The following FAR2 variants were observed in gnomAD, a reference collection of about 807,000 sequenced individuals.
FAR2 encodes fatty acyl-CoA reductase 2.
Under a neutral mutation model 56.0 loss-of-function variants are expected in FAR2, and 19 were observed. That is an observed-to-expected ratio of 0.34 (90% CI 0.24 to 0.50). The LOEUF (loss-of-function observed/expected upper bound fraction) is 0.50, where lower values mean the gene tolerates loss of function less well. FAR2 is among the 20% of genes least tolerant of loss of function. The pLI is 0.98. For synonymous variants in FAR2, 219 were observed against 218.8 expected, an observed-to-expected ratio of 1.00 and a Z score of -0.01; for missense variants, 508 against 642.2, an observed-to-expected ratio of 0.79 and a Z score of 2.26.
chr12:29,218,200 A>C (rs1223884920), intron 1 of FAR2, among the ~76,000 whole-genome samples: 5 of 151,806 alleles, frequency 3.3e-5, no homozygotes, highest in African/African-American at 1.2e-4. Context: ...ACTAAAAAAT[A>C]CAAAAAAAAT....
At chr12:29,168,681 G>T (rs1949855099) in intron 1 of FAR2, among the ~76,000 whole-genome samples, 1 of 152,134 alleles carries the variant, frequency 6.6e-6, no homozygotes, top group South Asian at 2.1e-4. Flanking sequence ...GTGGGTTTGT[G>T]GTCTCGCTGA....
intron 1 of FAR2, among the ~76,000 whole-genome samples, chr12:29,268,256 C>G (rs148498301): frequency 6.6e-6 from 1 of 152,228 alleles, no homozygotes; most frequent in Non-Finnish European, 1.5e-5. Context: ...CCATCCAAAC[C>G]CTGTCCACAT....
intron 10 of FAR2, 63 bp from the exon 11 acceptor site, chr12:29,332,537 A>G (rs1949744873): frequency 1.2e-6 from 2 of 1,602,240 alleles, no homozygotes; most frequent in Non-Finnish European, 1.7e-6. Flanking sequence ...AGAAACCTCA[A>G]GTGGACAAAG....
At chr12:29,261,715 G>A (rs116858933) in intron 1 of FAR2, among the ~76,000 whole-genome samples, 157 of 152,336 alleles carry the variant, frequency 1.0e-3, no homozygotes, top group Non-Finnish European at 2.1e-3. Context: ...AATACATCTG[G>A]TAGCAGGCTT....
intron 4 of FAR2, among the ~76,000 whole-genome samples, chr12:29,306,407 G>A (rs1028749505): frequency 1.3e-5 from 2 of 152,162 alleles, no homozygotes; most frequent in African/African-American, 4.8e-5. Flanking sequence ...ATTGAAAGTT[G>A]TGATTCTGAA....
intron 1 of FAR2, among the ~76,000 whole-genome samples, chr12:29,185,161 A>T (rs1950029370): frequency 6.6e-6 from 1 of 152,232 alleles, no homozygotes; most frequent in African/African-American, 2.4e-5. Context: ...TGGATAATTC[A>T]TAGATAATTT....
chr12:29,287,695 G>T (rs1305077109), intron 2 of FAR2, among the ~76,000 whole-genome samples: 1 of 152,122 alleles, frequency 6.6e-6, no homozygotes, highest in Non-Finnish European at 1.5e-5. Context: ...AAGACTTTTT[G>T]AAGAGAAAGA....
intron 1 of FAR2, among the ~76,000 whole-genome samples, chr12:29,161,060 G>T (rs1320596215): frequency 6.6e-6 from 1 of 152,104 alleles, no homozygotes; most frequent in Non-Finnish European, 1.5e-5. Context: ...TTTTGGTATG[G>T]ATTAATAGTG....
At chr12:29,233,075 C>T (rs1395860011) in intron 1 of FAR2, among the ~76,000 whole-genome samples, 2 of 152,064 alleles carry the variant, frequency 1.3e-5, no homozygotes, top group African/African-American at 4.8e-5. Context: ...TCTATCAGTC[C>T]CCTCTTGGCT....
At chr12:29,154,583 C>A (rs1429702328) in intron 1 of FAR2, among the ~76,000 whole-genome samples, 1 of 151,952 alleles carries the variant, frequency 6.6e-6, no homozygotes, top group African/African-American at 2.4e-5. Context: ...TATAGGCGCC[C>A]ACCACCACGC....
chr12:29,154,649 G>A (rs1261803982), intron 1 of FAR2, among the ~76,000 whole-genome samples: 2 of 152,098 alleles, frequency 1.3e-5, no homozygotes, highest in African/African-American at 4.8e-5. Flanking sequence ...TAGCCAGGAT[G>A]GTCTCGATCT....
At chr12:29,248,890 G>T (rs1347991592) in intron 1 of FAR2, among the ~76,000 whole-genome samples, 1 of 152,192 alleles carries the variant, frequency 6.6e-6, no homozygotes, top group Non-Finnish European at 1.5e-5. Context: ...GAGATATATG[G>T]CTCTGTTCCG....
At chr12:29,318,366 A>C (rs1345435565) in intron 9 of FAR2, among the ~76,000 whole-genome samples, 4 of 152,256 alleles carry the variant, frequency 2.6e-5, no homozygotes, top group Non-Finnish European at 5.9e-5. Flanking sequence ...TATTGTAGGC[A>C]GAAATGCTAA....
intron 2 of FAR2, among the ~76,000 whole-genome samples, chr12:29,291,208 G>T (rs1425650763): frequency 6.6e-6 from 1 of 152,104 alleles, no homozygotes; most frequent in African/African-American, 2.4e-5. Flanking sequence ...ACTAGAGGGG[G>T]AAATATAAGC....
chr12:29,254,894 A>G (rs1009419603), intron 1 of FAR2, among the ~76,000 whole-genome samples: 12 of 151,600 alleles, frequency 7.9e-5, no homozygotes, highest in African/African-American at 1.2e-4. Context: ...CGGAGGTTGC[A>G]GTGAGTAGAG....
intron 10 of FAR2, among the ~76,000 whole-genome samples, chr12:29,323,744 T>A (rs1264733600): frequency 6.6e-6 from 1 of 152,198 alleles, no homozygotes; most frequent in Non-Finnish European, 1.5e-5. Context: ...AAAACCCATC[T>A]GTATGTCACC....
rs930193773 is a variant in FAR2, at chr12:29,270,792, G to T, written c.189+154G>T. ...AAAACAAGACAGCAACAAGCTGCTG[G>T]TGGAAATCGGTGTTTTCCCAAAGGA... is the stretch of plus-strand genomic sequence containing the variant. On this transcript the variant is annotated intron_variant, in intron 2 of 11. Coordinates refer to ENST00000536681, the MANE Select transcript of FAR2 (RefSeq NM_001271783.2). 7.9e-5 allele frequency among the ~76,000 whole-genome samples: 12 copies of T among 152,362 alleles called. No homozygotes were observed. The East Asian group carries it at 1.9e-3, about 25-fold the overall frequency.
At chr12:29,264,708 C>T (rs1948484347) in intron 1 of FAR2, among the ~76,000 whole-genome samples, 2 of 150,286 alleles carry the variant, frequency 1.3e-5, no homozygotes, top group Non-Finnish European at 3.0e-5. Flanking sequence ...AGAGAAAAGG[C>T]AGCTAAATTG....
At chr12:29,296,712 GC>G (rs1949078088) in intron 3 of FAR2, among the ~76,000 whole-genome samples, 1 of 152,182 alleles carries the variant, frequency 6.6e-6, no homozygotes. Flanking sequence ...TTTAATGGCT[GC>G]CTATAGAAGC....
Sources: allele counts gnomAD v4.1 joint callset (sites outside exome capture counted in the v4.1 genomes callset), GRCh38; gene constraint gnomAD v4.1.1; transcripts MANE v1.5; gene names NCBI Gene and HGNC (gene_info 2026-07-23, HGNC 2026-07-21).